SPATS1: variants seen among roughly 807,000 people sequenced by gnomAD.
SPATS1 encodes spermatogenesis associated serine rich 1, also known as spermatogenesis-associated serine-rich protein 1.
A neutral mutation model predicts 33.6 loss-of-function variants in SPATS1; 23 were observed. That is an observed-to-expected ratio of 0.68 (90% confidence interval 0.49 to 0.97). SPATS1 has a LOEUF of 0.97. Among genes scored for constraint, SPATS1 ranks in the 50% least tolerant of loss-of-function variants. SPATS1 has a pLI of 0.00. For synonymous variants in SPATS1, 131 were observed against 125.6 expected (o/e 1.04, Z -0.29); for missense variants, 327 against 361.0 (o/e 0.91, Z 0.76).
intron 4 of SPATS1, among the ~76,000 whole-genome samples, chr6:44,361,132 AC>A (rs1371779444): frequency 6.6e-6 from 1 of 152,198 alleles, no homozygotes; most frequent in Non-Finnish European, 1.5e-5. Flanking sequence ...ATCAGAACCC[AC>A]ACTTGCTTGC....
At chr6:44,373,077 C>T (rs1789723116) in intron 7 of SPATS1, among the ~76,000 whole-genome samples, 1 of 152,212 alleles carries the variant, frequency 6.6e-6, no homozygotes, top group African/African-American at 2.4e-5. Context: ...TCTTAATATT[C>T]AGCAAAGACT....
chr6:44,358,164 C>T (rs1003647626), intron 3 of SPATS1, among the ~76,000 whole-genome samples: 4 of 152,134 alleles, frequency 2.6e-5, no homozygotes, highest in Non-Finnish European at 5.9e-5. Context: ...ACCTACATCA[C>T]AGGATTGTTA....
At chr6:44,355,184 C>G (rs537330128) in intron 3 of SPATS1, among the ~76,000 whole-genome samples, 5 of 151,476 alleles carry the variant, frequency 3.3e-5, no homozygotes, top group African/African-American at 1.2e-4. Context: ...CTCCCACCCC[C>G]TGGCAACCGC....
chr6:44,366,651 C>A (rs7769128), intron 5 of SPATS1, among the ~76,000 whole-genome samples: 92,133 of 151,978 alleles, frequency 0.61, 29,143 homozygotes, highest in Middle Eastern at 0.73. Context: ...GTGTTACCTT[C>A]GTCTTTACAT....
At chr6:44,371,354 G>T (rs772452287) in intron 7 of SPATS1, among the ~76,000 whole-genome samples, 1 of 151,788 alleles carries the variant, frequency 6.6e-6, no homozygotes, top group Non-Finnish European at 1.5e-5. Context: ...CTGTGCTATG[G>T]TCAATAAGAC....
At chr6:44,347,152 C>G (rs1298686452) in intron 2 of SPATS1, among the ~76,000 whole-genome samples, 1 of 152,096 alleles carries the variant, frequency 6.6e-6, no homozygotes, top group Non-Finnish European at 1.5e-5. Flanking sequence ...CATGTTCTTA[C>G]TTATAAGTGG....
intron 6 of SPATS1, among the ~76,000 whole-genome samples, chr6:44,368,972 C>G (rs1789417481): frequency 6.6e-6 from 1 of 150,402 alleles, no homozygotes; most frequent in Non-Finnish European, 1.5e-5. Context: ...TCTCAGCTCA[C>G]TGCAAGCTCT....
chr6:44,350,215 A>G (rs1190191907), intron 2 of SPATS1, among the ~76,000 whole-genome samples: 1 of 152,232 alleles, frequency 6.6e-6, no homozygotes, highest in Non-Finnish European at 1.5e-5. Flanking sequence ...TGGGGCCTGC[A>G]TATTGAACAA....
intron 6 of SPATS1, among the ~76,000 whole-genome samples, chr6:44,368,950 G>T (rs928394226): frequency 1.3e-5 from 2 of 149,606 alleles, no homozygotes; most frequent in Non-Finnish European, 3.0e-5. Context: ...TGGCTGGAGT[G>T]CAGTGGTGCC....
Position 44,352,736 on chromosome 6 carries a change from CA to C in SPATS1, c.151del (p.Ser51ValfsTer45), listed in dbSNP as rs771291311. 4 of 1,613,788 alleles carry C rather than the reference CA, an allele frequency of 2.5e-6. No individual in the cohort carries two copies. The highest frequency in any genetic ancestry group is 2.2e-5 in the East Asian group (1 of 44,882). ...EVERTYSANC[S>X]DFLESKGCFA... ...ATCTCTGTGTTACAGGTGCTAATTG[CA>C]GTGATTTTCTGGAATCTAAGGGATG... On this transcript the variant is annotated frameshift_variant, in exon 3 of 9. Transcript: ENST00000674044. LOFTEE classifies it high-confidence loss of function.
Position 44,352,737 on chromosome 6 carries a change from A to C in SPATS1, c.151A>C (p.Ser51Arg). 1 of 1,614,144 alleles carries C rather than the reference A, an allele frequency of 6.2e-7. No homozygotes were observed. Among genetic ancestry groups the C allele is most frequent in the Non-Finnish European group, 8.5e-7 (1 of 1,179,960 alleles). Residue 51 changes from serine (S) to arginine (R), a missense_variant, in exon 3 of 9, where the codon AGT (serine) becomes CGT (arginine). Physicochemically the swap from Ser to Arg is moderately radical, Grantham distance 110 (BLOSUM62 -1). Coordinates refer to ENST00000674044, the MANE Select transcript of SPATS1 (RefSeq NM_001372081.1). ...TCTCTGTGTTACAGGTGCTAATTGC[A>C]GTGATTTTCTGGAATCTAAGGGATG... ...EVERTYSANCSDFLESKGCFA... is the reference protein window; with the variant it reads ...EVERTYSANCRDFLESKGCFA...
intron 2 of SPATS1, among the ~76,000 whole-genome samples, chr6:44,350,795 A>G (rs1023039684): frequency 6.6e-6 from 1 of 152,220 alleles, no homozygotes; most frequent in Non-Finnish European, 1.5e-5. Context: ...CTGCATTGGC[A>G]GATTCGACCA....
At chr6:44,370,929 C>A (rs753309478) in intron 7 of SPATS1, among the ~76,000 whole-genome samples, 21 of 151,440 alleles carry the variant, frequency 1.4e-4, no homozygotes, top group Non-Finnish European at 1.9e-4. Flanking sequence ...TATGTTTTTA[C>A]ATGTATAAAC....
At position 44,360,417 on chromosome 6, in the gene SPATS1, G is replaced by A. The variant is rs551476340; in HGVS notation, c.288-29G>A. 145 of 1,613,608 alleles carry A rather than the reference G, an allele frequency of 9.0e-5. 2 individuals carry two copies. In the South Asian group the frequency reaches 1.4e-3, roughly 15 times the overall value. On this transcript the variant is annotated intron_variant, in intron 3 of 8. Transcript: ENST00000674044. ...AGGCTGTAACTACCAGTTTAAGCAC[G>A]TGGAAGAATCCTTCTGCTTTCTTTC...
At chr6:44,348,992 A>G (rs1473600239) in intron 2 of SPATS1, among the ~76,000 whole-genome samples, 2 of 152,062 alleles carry the variant, frequency 1.3e-5, no homozygotes, top group East Asian at 3.8e-4. Flanking sequence ...TTAGCCAGGC[A>G]TGATGGTGGG....
rs1242401426 is a variant in SPATS1, at chr6:44,379,285, A to G, written c.*2222A>G. Among the ~76,000 whole-genome samples the G allele has an allele frequency of 6.6e-6, 1 of 152,144 alleles. No individual in the cohort carries two copies. Among genetic ancestry groups the G allele is most frequent in the Non-Finnish European group, 1.5e-5 (1 of 68,028 alleles). On this transcript the variant is annotated 3_prime_UTR_variant, in exon 9 of 9. Transcript: ENST00000674044. ...TTTTGGAAGGAGGGAGTCCTACACCATAAATATATTAAGGAAAACAACCGG... is the reference window on the plus strand; with the variant it reads ...TTTTGGAAGGAGGGAGTCCTACACCGTAAATATATTAAGGAAAACAACCGG...
chr6:44,347,985 G>A (rs1471536553), intron 2 of SPATS1, among the ~76,000 whole-genome samples: 1 of 150,720 alleles, frequency 6.6e-6, no homozygotes, highest in Non-Finnish European at 1.5e-5. Context: ...TTATGGCCTT[G>A]TTTCATTTCT....
At chr6:44,375,251 AC>A (rs1022627238) in intron 7 of SPATS1, among the ~76,000 whole-genome samples, 1 of 152,190 alleles carries the variant, frequency 6.6e-6, no homozygotes, top group African/African-American at 2.4e-5. Context: ...GGGGGAACCC[AC>A]ATGGGAGGGT....
chr6:44,344,227 G>C (rs1352735414), intron 2 of SPATS1, among the ~76,000 whole-genome samples: 1 of 152,136 alleles, frequency 6.6e-6, no homozygotes, highest in African/African-American at 2.4e-5. Context: ...TCGAGTTAGG[G>C]GTAGCAGAAG....
Sources: gnomAD v4.1 joint callset for allele counts (sites outside exome capture counted in the v4.1 genomes callset) on GRCh38, gnomAD v4.1.1 for gene constraint, MANE v1.5 for transcripts, NCBI Gene and HGNC (gene_info 2026-07-23, HGNC 2026-07-21) for gene names.